The following RTN4 variants were observed in gnomAD, a reference collection of about 807,000 sequenced individuals.
The protein encoded by RTN4 is reticulon-4.
A neutral mutation model predicts 90.4 loss-of-function variants in RTN4; 32 were observed. The observed-to-expected ratio is 0.35, with a 90% CI of 0.27 to 0.48. The LOEUF is 0.48. Among genes scored for constraint, RTN4 ranks in the 20% least tolerant of loss-of-function variants. RTN4 has a pLI of 0.99. For synonymous variants in RTN4, 629 were observed against 552.5 expected (o/e 1.14, Z -1.94); for missense variants, 1,706 against 1,430.2 (o/e 1.19, Z -3.11).
intron 3 of RTN4, among the ~76,000 whole-genome samples, chr2:55,024,528 G>C (rs1186434937): frequency 6.6e-6 from 1 of 151,642 alleles, no homozygotes; most frequent in South Asian, 2.1e-4. Flanking sequence ...ATAGTCAAAA[G>C]AAAAAAAGGA....
chr2:55,092,874 G>T (rs1668965096), intron 1 of RTN4, among the ~76,000 whole-genome samples: 1 of 152,254 alleles, frequency 6.6e-6, no homozygotes, highest in Admixed American at 6.5e-5. Flanking sequence ...TTCTTTCAAA[G>T]TAGCCAGTTT....
At chr2:55,110,061 C>G (rs138145257) in intron 1 of RTN4, among the ~76,000 whole-genome samples, 1 of 152,118 alleles carries the variant, frequency 6.6e-6, no homozygotes, top group Admixed American at 6.5e-5. Context: ...ATAATCCCAG[C>G]ATTGTGGGAA....
chr2:55,065,796 A>C (rs1289931048), intron 2 of RTN4, among the ~76,000 whole-genome samples: 1 of 152,204 alleles, frequency 6.6e-6, no homozygotes, highest in East Asian at 1.9e-4. Context: ...GATAAAAATT[A>C]GAACAATGGT....
chr2:55,077,929 G>A (rs1423924264), intron 2 of RTN4, among the ~76,000 whole-genome samples: 18 of 151,948 alleles, frequency 1.2e-4, no homozygotes, highest in Admixed American at 6.6e-5. Context: ...GACATTGTAC[G>A]TTCTCACTCA....
At chr2:55,021,759 G>A (rs1027843951) in intron 3 of RTN4, among the ~76,000 whole-genome samples, 46 of 152,148 alleles carry the variant, frequency 3.0e-4, no homozygotes, top group African/African-American at 9.4e-4. Context: ...GTGATTGTCA[G>A]TGGTATAGCC....
intron 2 of RTN4, chr2:55,056,410 G>T (rs1668191360): frequency 6.6e-6 from 1 of 152,158 alleles, no homozygotes; most frequent in African/African-American, 2.4e-5. Flanking sequence ...ATGCCAAAGA[G>T]AAGTCATAAA....
intron 5 of RTN4, 27 bp downstream of exon 5, chr2:54,982,488 C>A: frequency 6.3e-7 from 1 of 1,598,528 alleles, no homozygotes; most frequent in Non-Finnish European, 8.5e-7. Context: ...CTGGGTATAT[C>A]AAAAATGAAA....
intron 1 of RTN4, among the ~76,000 whole-genome samples, chr2:55,032,478 A>G (rs1423887506): frequency 6.6e-6 from 1 of 152,216 alleles, no homozygotes; most frequent in East Asian, 1.9e-4. Context: ...TTGGTGGAGA[A>G]ATATAGACTA....
chr2:54,981,717 T>C (rs1157018998), intron 5 of RTN4, among the ~76,000 whole-genome samples: 1 of 152,108 alleles, frequency 6.6e-6, no homozygotes, highest in Non-Finnish European at 1.5e-5. Flanking sequence ...AAAGAAAAAC[T>C]TCCAATGATT....
At chr2:55,052,820 G>T (rs894783694), upstream of RTN4, among the ~76,000 whole-genome samples, 1 of 152,040 alleles carries the variant, frequency 6.6e-6, no homozygotes, top group South Asian at 2.1e-4. Context: ...AGTCTTCCCC[G>T]CATGCTTTTC....
Position 55,050,285 on chromosome 2 carries a change from G to A in RTN4, c.16C>T (p.Gln6Ter). Reference sequence around the variant, plus strand: ...TCCGAGGACGAGACCAGAGGAGACTGGTCCAGGTCTTCCATGGCTGGAGGG... The same window carrying A: ...TCCGAGGACGAGACCAGAGGAGACTAGTCCAGGTCTTCCATGGCTGGAGGG... MEDLD[Q>*]SPLVSSSDSP... Residue 6 changes from glutamine (Q) to a stop codon, truncating the protein, a stop_gained, in exon 1 of 9, where the codon CAG (glutamine) becomes TAG (stop). Coordinates refer to ENST00000337526, the MANE Select transcript of RTN4 (RefSeq NM_020532.5). LOFTEE classifies it high-confidence loss of function. The surrounding 1 kb of genome is among the most constrained non-coding windows in gnomAD (Gnocchi z 4.6). 1.4e-6 allele frequency: 2 copies of A among 1,452,372 alleles called. No homozygotes were observed. The highest frequency in any genetic ancestry group is 1.8e-6 in the Non-Finnish European group (2 of 1,101,738). The allele number at this position is 1,452,372 out of a possible 1,614,324, so 90.0% of individuals were successfully genotyped here. A position where few individuals can be genotyped will look rare whatever the true frequency, so the allele number is the denominator to read the frequency against.
At chr2:55,017,791 G>C (rs1009211119) in intron 3 of RTN4, among the ~76,000 whole-genome samples, 7 of 152,082 alleles carry the variant, frequency 4.6e-5, no homozygotes, top group Non-Finnish European at 1.0e-4. Flanking sequence ...TTACATATGT[G>C]AGAAAATGTA....
intron 3 of RTN4, among the ~76,000 whole-genome samples, chr2:54,994,410 C>A (rs79991016): frequency 6.6e-6 from 1 of 152,056 alleles, no homozygotes; most frequent in African/African-American, 2.4e-5. Context: ...CTCAGAAATA[C>A]AAGATTGATT....
At position 55,089,106 on chromosome 2, in the gene RTN4, A is replaced by T. The variant is rs372031812; in HGVS notation, c.-213-8467T>A. Among the ~76,000 whole-genome samples the T allele has an allele frequency of 1.5e-3, 221 of 152,172 alleles. 1 individual carries two copies. The highest frequency in any genetic ancestry group is 5.0e-3 in the African/African-American group (208 of 41,512). ...CACAGTTAATTTTTGTATTTTTAAT[A>T]GAGATGGGGTTTCACCATGTTGGCC... is the stretch of plus-strand genomic sequence containing the variant. On this transcript the variant is annotated intron_variant, in intron 1 of 3. Transcript: ENST00000427710.
intron 1 of RTN4, among the ~76,000 whole-genome samples, chr2:55,042,443 C>T (rs749540325): frequency 1.3e-5 from 2 of 152,126 alleles, no homozygotes; most frequent in Non-Finnish European, 2.9e-5. Context: ...CCAGAGTCCT[C>T]TGCATCTATT....
intron 3 of RTN4, among the ~76,000 whole-genome samples, chr2:55,006,417 A>G (rs1680229228): frequency 6.6e-6 from 1 of 151,938 alleles, no homozygotes; most frequent in South Asian, 2.1e-4. Context: ...AAACAGCAAG[A>G]CCCCTGCTAC....
intron 1 of RTN4, among the ~76,000 whole-genome samples, chr2:55,102,643 C>T (rs1165842608): frequency 6.6e-6 from 1 of 151,972 alleles, no homozygotes; most frequent in Admixed American, 6.6e-5. Context: ...TGCTAATAGG[C>T]CAGTGCATGG....
intron 4 of RTN4, among the ~76,000 whole-genome samples, chr2:54,983,465 T>A (rs1678308082): frequency 6.6e-6 from 1 of 152,194 alleles, no homozygotes. Context: ...TCAGAAGTGC[T>A]GAGTGTTCCC....
intron 1 of RTN4, among the ~76,000 whole-genome samples, chr2:55,090,513 A>T (rs1365782818): frequency 6.6e-6 from 1 of 152,188 alleles, no homozygotes; most frequent in Non-Finnish European, 1.5e-5. Context: ...CAATTCAACC[A>T]AAGCAGAAGC....
Sources: allele counts gnomAD v4.1 joint callset (sites outside exome capture counted in the v4.1 genomes callset), GRCh38; gene constraint gnomAD v4.1.1; non-coding constraint Gnocchi (gnomAD v3.1); transcripts MANE v1.5; gene names NCBI Gene and HGNC (gene_info 2026-07-23, HGNC 2026-07-21).